Variants in PLXDC2 observed in about 807,000 individuals in gnomAD.
The protein encoded by PLXDC2 is plexin domain-containing protein 2.
PLXDC2 carries 40 observed loss-of-function variants against 68.9 expected under a neutral mutation model. The observed-to-expected ratio is 0.58, with a 90% CI of 0.45 to 0.76. The LOEUF (loss-of-function observed/expected upper bound fraction) is 0.76. Ranked by LOEUF, PLXDC2 falls within the 30% of genes least tolerant of loss-of-function variation. PLXDC2 has a pLI of 0.00. For missense variants in PLXDC2, 644 were observed against 661.9 expected, an observed-to-expected ratio of 0.97 and a Z score of 0.30; for synonymous variants, 243 against 234.2, an observed-to-expected ratio of 1.04 and a Z score of -0.34.
At chr10:20,210,033 C>T (rs374265657) in intron 9 of PLXDC2, among the ~76,000 whole-genome samples, 4 of 152,058 alleles carry the variant, frequency 2.6e-5, no homozygotes, top group Admixed American at 1.3e-4. Flanking sequence ...CCTGACTTCC[C>T]GCAACACATA....
At chr10:20,223,205 T>C (rs779384787) in intron 12 of PLXDC2, among the ~76,000 whole-genome samples, 6 of 152,286 alleles carry the variant, frequency 3.9e-5, no homozygotes, top group Non-Finnish European at 8.8e-5. Context: ...AAATGTTAAG[T>C]TATGTAGCTA....
At chr10:19,871,286 C>G (rs1564614969) in intron 1 of PLXDC2, among the ~76,000 whole-genome samples, 1 of 152,176 alleles carries the variant, frequency 6.6e-6, no homozygotes, top group Non-Finnish European at 1.5e-5. Context: ...CCTTGTCATT[C>G]TTTTAACCAC....
At chr10:20,214,201 A>G (rs1421197261) in intron 10 of PLXDC2, among the ~76,000 whole-genome samples, 1 of 152,046 alleles carries the variant, frequency 6.6e-6, no homozygotes, top group East Asian at 1.9e-4. Context: ...TGTATATTCC[A>G]TATTGGATGA....
chr10:19,934,824 G>A (rs1286011963), intron 1 of PLXDC2, among the ~76,000 whole-genome samples: 1 of 152,092 alleles, frequency 6.6e-6, no homozygotes, highest in Non-Finnish European at 1.5e-5. Context: ...ATAATGATAG[G>A]GTCTTCATCA....
At chr10:20,261,200 T>C (rs767270661) in intron 13 of PLXDC2, among the ~76,000 whole-genome samples, 4 of 152,216 alleles carry the variant, frequency 2.6e-5, no homozygotes, top group Non-Finnish European at 5.9e-5. Context: ...TTTTATGTAA[T>C]CTCACTTTTT....
chr10:20,277,312 C>T (rs927492114), intron 13 of PLXDC2, among the ~76,000 whole-genome samples: 5 of 151,212 alleles, frequency 3.3e-5, no homozygotes, highest in African/African-American at 4.9e-5. Flanking sequence ...CAGTTAGGGC[C>T]GATTTATATA....
At chr10:20,066,827 A>G (rs763956538) in intron 3 of PLXDC2, among the ~76,000 whole-genome samples, 1 of 152,228 alleles carries the variant, frequency 6.6e-6, no homozygotes, top group Non-Finnish European at 1.5e-5. Context: ...ACTTTTCTAC[A>G]TTAAAAATTT....
At chr10:19,981,809 A>G (rs1834555489) in intron 1 of PLXDC2, among the ~76,000 whole-genome samples, 1 of 152,268 alleles carries the variant, frequency 6.6e-6, no homozygotes, top group South Asian at 2.1e-4. Context: ...ATTTCAAATT[A>G]GTATGGCACT....
intron 1 of PLXDC2, among the ~76,000 whole-genome samples, chr10:19,955,792 A>G (rs947489237): frequency 2.0e-5 from 3 of 152,142 alleles, no homozygotes; most frequent in African/African-American, 7.2e-5. Flanking sequence ...ATTTTGAAAC[A>G]TTCTTGGCTG....
intron 4 of PLXDC2, among the ~76,000 whole-genome samples, chr10:20,103,255 C>A (rs1314617271): frequency 6.6e-6 from 1 of 151,906 alleles, no homozygotes; most frequent in Non-Finnish European, 1.5e-5. Context: ...AAAAATGAAA[C>A]CTGCCTGGGT....
rs750909838 is a variant in PLXDC2 at position 20,177,309 on chromosome 10, G to C, written c.980-19G>C. 1 of 1,570,384 alleles carries C rather than the reference G, an allele frequency of 6.4e-7. No homozygotes were observed. The highest frequency in any genetic ancestry group is 1.1e-5 in the South Asian group (1 of 90,144). ...GTTGCCTGTTAGTCTTGGTGAATCT[G>C]TTCTTTCCTCTTCCCTAGCATGCCT... On this transcript the variant is annotated intron_variant, in intron 8 of 13. Coordinates refer to ENST00000377252, the MANE Select transcript of PLXDC2 (RefSeq NM_032812.9).
chr10:20,029,617 C>T (rs753606071), intron 2 of PLXDC2, among the ~76,000 whole-genome samples: 1 of 152,078 alleles, frequency 6.6e-6, no homozygotes, highest in South Asian at 2.1e-4. Flanking sequence ...AGAACAAATA[C>T]TTCTTGGGCT....
At chr10:19,974,933 A>G (rs1024434593) in intron 1 of PLXDC2, among the ~76,000 whole-genome samples, 3 of 152,216 alleles carry the variant, frequency 2.0e-5, no homozygotes, top group Non-Finnish European at 2.9e-5. Context: ...CTTCATAATG[A>G]AAATGAGTGT....
rs74633495 is a variant in PLXDC2 at position 19,897,920 on chromosome 10, G to A, written c.112+80729G>A. On this transcript the variant is annotated intron_variant, in intron 1 of 13. Transcript: ENST00000377252. The stretch of plus-strand genomic sequence containing the variant: ...GACTAGCTGCAAGATTTGTTTTTGC[G>A]AAAATGAAAGTTCTATCATGTTTAT... Among the ~76,000 whole-genome samples, 573 of 152,014 alleles carry A rather than the reference G, an allele frequency of 3.8e-3. 6 individuals carry two copies. Among genetic ancestry groups the A allele is most frequent in the East Asian group, 0.034 (177 of 5,168 alleles).
chr10:19,840,722 T>A (rs912379945), intron 1 of PLXDC2, among the ~76,000 whole-genome samples: 1 of 152,132 alleles, frequency 6.6e-6, no homozygotes, highest in African/African-American at 2.4e-5. Flanking sequence ...GAAAGGACAG[T>A]AAGGACTGGC....
chr10:20,050,654 A>T (rs1272920589), intron 3 of PLXDC2, among the ~76,000 whole-genome samples: 1 of 152,160 alleles, frequency 6.6e-6, no homozygotes, highest in Non-Finnish European at 1.5e-5. Context: ...CCCCAATGAG[A>T]TATCATTTCA....
intron 4 of PLXDC2, among the ~76,000 whole-genome samples, chr10:20,094,196 G>GAAGT (rs1833317963): frequency 6.6e-6 from 1 of 152,216 alleles, no homozygotes; most frequent in South Asian, 2.1e-4. Flanking sequence ...ATTTTTAGCT[G>GAAGT]AAGTAAAGGA....
intron 1 of PLXDC2, among the ~76,000 whole-genome samples, chr10:19,898,121 C>G (rs1451059965): frequency 6.6e-6 from 1 of 152,060 alleles, no homozygotes; most frequent in Non-Finnish European, 1.5e-5. Flanking sequence ...TAAAGCTTAA[C>G]CTTGAATCAT....
chr10:20,053,817 A>T (rs1835946762), intron 3 of PLXDC2, among the ~76,000 whole-genome samples: 1 of 152,042 alleles, frequency 6.6e-6, no homozygotes, highest in African/African-American at 2.4e-5. Flanking sequence ...TTGCACCTCA[A>T]TTTTGTAACC....
Sources: allele counts gnomAD v4.1 joint callset (sites outside exome capture counted in the v4.1 genomes callset), GRCh38; gene constraint gnomAD v4.1.1; transcripts MANE v1.5; gene names NCBI Gene and HGNC (gene_info 2026-07-23, HGNC 2026-07-21).